The following MAST4 variants were observed in gnomAD, a reference collection of about 807,000 sequenced individuals.
MAST4 encodes the protein microtubule associated serine/threonine kinase family member 4.
Under a neutral mutation model 162.7 loss-of-function variants are expected in MAST4, and 89 were observed. The ratio of observed to expected loss-of-function variants is 0.55; its 90% confidence interval spans 0.46 to 0.65. MAST4 has a LOEUF of 0.65. MAST4 is among the 30% of genes least tolerant of loss of function. The pLI is 0.00. For missense variants in MAST4, 3,153 were observed against 3,374.0 expected (o/e 0.93, Z 1.62); for synonymous variants, 1,479 against 1,361.1 (o/e 1.09, Z -1.91).
At chr5:66,879,361 C>CACAT (rs1179176328) in intron 3 of MAST4, among the ~76,000 whole-genome samples, 5 of 55,014 alleles carry the variant, frequency 9.1e-5, no homozygotes, top group Admixed American at 7.4e-4. Context: ...CACACACACA[C>CACAT]ATATATATAT....
chr5:66,778,456 G>A (rs1425129579), intron 2 of MAST4, among the ~76,000 whole-genome samples: 1 of 152,080 alleles, frequency 6.6e-6, no homozygotes, highest in African/African-American at 2.4e-5. Flanking sequence ...AGCTTACCAA[G>A]CTTTATTGCA....
intron 27 of MAST4, among the ~76,000 whole-genome samples, chr5:67,161,280 A>G (rs184681945): frequency 8.5e-5 from 13 of 152,322 alleles, no homozygotes; most frequent in African/African-American, 3.1e-4. Context: ...TTGATGATAG[A>G]AATGTAGAAA....
intron 4 of MAST4, among the ~76,000 whole-genome samples, chr5:67,021,317 T>C (rs528482413): frequency 1.3e-5 from 2 of 152,330 alleles, no homozygotes; most frequent in African/African-American, 4.8e-5. Context: ...TAGAATTTTC[T>C]CTTATCCAAG....
intron 13 of MAST4, 98 bp from the exon 14 acceptor site, chr5:67,120,919 T>C (rs1205334154): frequency 5.8e-6 from 5 of 864,058 alleles, no homozygotes; most frequent in Middle Eastern, 2.4e-4. Flanking sequence ...CTTCAACATA[T>C]TACATAACAG....
chr5:66,738,837 A>G (rs964647032), intron 1 of MAST4, among the ~76,000 whole-genome samples: 25 of 152,086 alleles, frequency 1.6e-4, no homozygotes, highest in Non-Finnish European at 2.9e-5. Context: ...TTCTTCTTTG[A>G]ACTTTTATTT....
intron 4 of MAST4, among the ~76,000 whole-genome samples, chr5:66,955,777 G>A (rs919689447): frequency 1.3e-5 from 2 of 152,098 alleles, no homozygotes; most frequent in Non-Finnish European, 2.9e-5. Context: ...TCCAAACCAT[G>A]TGTGTATATA....
chr5:67,111,265 T>C (rs1041493046), intron 11 of MAST4, among the ~76,000 whole-genome samples: 2 of 152,222 alleles, frequency 1.3e-5, no homozygotes, highest in African/African-American at 4.8e-5. Flanking sequence ...TTTTCAGAAA[T>C]ACACACATAC....
intron 3 of MAST4, among the ~76,000 whole-genome samples, chr5:66,880,425 T>C (rs1761615678): frequency 6.6e-6 from 1 of 152,194 alleles, no homozygotes; most frequent in Non-Finnish European, 1.5e-5. Flanking sequence ...TGTGGTAATA[T>C]ATTAACCATT....
intron 3 of MAST4, among the ~76,000 whole-genome samples, chr5:66,899,423 A>G (rs1762872309): frequency 6.6e-6 from 1 of 152,208 alleles, no homozygotes; most frequent in Non-Finnish European, 1.5e-5. Context: ...GGATGTTTTG[A>G]GAAATAATAC....
intron 6 of MAST4, among the ~76,000 whole-genome samples, chr5:67,094,502 A>G (rs1221088967): frequency 6.6e-6 from 1 of 152,162 alleles, no homozygotes; most frequent in Admixed American, 6.5e-5. Context: ...TCCATATATG[A>G]CACTGCAATC....
At chr5:66,769,831 T>C (rs541290906) in intron 2 of MAST4, among the ~76,000 whole-genome samples, 1 of 152,336 alleles carries the variant, frequency 6.6e-6, no homozygotes, top group African/African-American at 2.4e-5. Context: ...CTCCTGATGG[T>C]GCTCTCTTGT....
chr5:66,984,339 C>G (rs1749212303), intron 4 of MAST4, among the ~76,000 whole-genome samples: 1 of 152,186 alleles, frequency 6.6e-6, no homozygotes, highest in African/African-American at 2.4e-5. Context: ...GGTGTGGGCA[C>G]AGGGCACACA....
At chr5:66,764,567 A>G (rs1295743321) in intron 2 of MAST4, among the ~76,000 whole-genome samples, 1 of 152,110 alleles carries the variant, frequency 6.6e-6, no homozygotes. Context: ...TAATGTCTAG[A>G]TGATCCTGAC....
chr5:67,015,860 T>A lies in MAST4; in HGVS notation c.675-38544T>A, dbSNP rs560522426. On this transcript the variant is annotated intron_variant, in intron 4 of 28. Transcript: ENST00000403625. ...TGCTTTGGGAGCTTGTGGATGAGGCTGAATCACTCTCTGAAACCTGATAAC... is the reference window on the plus strand; with the variant it reads ...TGCTTTGGGAGCTTGTGGATGAGGCAGAATCACTCTCTGAAACCTGATAAC... Among the ~76,000 whole-genome samples the A allele has an allele frequency of 6.6e-5, 10 of 152,328 alleles. No individual in the cohort carries two copies. The South Asian group carries it at 2.1e-3, about 32-fold the overall frequency.
rs758541205 is a variant in MAST4, at chr5:67,100,582, C to T, written c.1060C>T (p.Arg354Ter). 6.2e-6 allele frequency: 10 copies of T among 1,613,706 alleles called. No homozygotes were observed. The highest frequency in any genetic ancestry group is 4.0e-5 in the African/African-American group (3 of 74,886). The change falls in exon 8 of 29, where the codon CGA (arginine) becomes TGA (stop). Residue 354 changes from arginine (R) to a stop codon, truncating the protein, a stop_gained. Transcript: ENST00000403625. LOFTEE classifies it high-confidence loss of function. ...GAACACGCCGATGCGCCCCCGTTCC[C>T]GAAGTCTGAGGTGTGTGGGCCTGGC... ...CRNTPMRPRSRSLSPGRSPAC... is the reference protein window; with the variant it reads ...CRNTPMRPRS
rs78643239 is a variant in MAST4 at position 67,021,359 on chromosome 5, C to T, written c.675-33045C>T. Among the ~76,000 whole-genome samples, 966 of 152,268 alleles carry T rather than the reference C, an allele frequency of 6.3e-3. 12 individuals carry two copies. The highest frequency in any genetic ancestry group is 0.023 in the African/African-American group (937 of 41,548). On this transcript the variant is annotated intron_variant, in intron 4 of 28. Transcript: ENST00000403625. Reference sequence around the variant, plus strand: ...TACAGGCATGCTATATAGATTGCAACGTATCCCAATTTAGCTTAGATTATT... The same window carrying T: ...TACAGGCATGCTATATAGATTGCAATGTATCCCAATTTAGCTTAGATTATT...
chr5:67,077,252 C>T (rs1240765716), intron 5 of MAST4, among the ~76,000 whole-genome samples: 1 of 152,060 alleles, frequency 6.6e-6, no homozygotes, highest in Non-Finnish European at 1.5e-5. Flanking sequence ...ACACTGGAGT[C>T]ACCTGGGAAG....
intron 4 of MAST4, among the ~76,000 whole-genome samples, chr5:67,042,287 C>G (rs1756847406): frequency 6.6e-6 from 1 of 152,150 alleles, no homozygotes; most frequent in South Asian, 2.1e-4. Context: ...TCTGTTACCC[C>G]ACAAATAACA....
intron 4 of MAST4, among the ~76,000 whole-genome samples, chr5:66,965,379 C>G (rs1205433067): frequency 1.3e-5 from 2 of 150,966 alleles, no homozygotes; most frequent in Non-Finnish European, 3.0e-5. Context: ...ATTTCCTTTT[C>G]TTTATTCTTC....
Sources: gnomAD v4.1 joint callset for allele counts (sites outside exome capture counted in the v4.1 genomes callset) on GRCh38, gnomAD v4.1.1 for gene constraint, MANE v1.5 for transcripts, NCBI Gene and HGNC (gene_info 2026-07-23, HGNC 2026-07-21) for gene names.